Variants in TSHZ2 observed in about 807,000 individuals in gnomAD.
The protein encoded by TSHZ2 is teashirt zinc finger homeobox 2, also known as teashirt homolog 2.
Under a neutral mutation model 74.4 loss-of-function variants are expected in TSHZ2, and 21 were observed. That is an observed-to-expected ratio of 0.28 (90% confidence interval 0.20 to 0.41). TSHZ2 has a LOEUF of 0.41. Ranked by LOEUF, TSHZ2 falls within the 10% of genes least tolerant of loss-of-function variation. The pLI is 1.00. For synonymous variants in TSHZ2, 540 were observed against 515.3 expected, an observed-to-expected ratio of 1.05 and a Z score of -0.65; for missense variants, 1,244 against 1,293.5, an observed-to-expected ratio of 0.96 and a Z score of 0.59.
intron 1 of TSHZ2, among the ~76,000 whole-genome samples, chr20:52,998,821 T>C (rs1265340765): frequency 1.3e-5 from 2 of 152,236 alleles, no homozygotes. Context: ...TCTCAGGACA[T>C]ATAATTAGGA....
At chr20:53,075,889 T>A (rs1272738342) in intron 1 of TSHZ2, among the ~76,000 whole-genome samples, 1 of 152,198 alleles carries the variant, frequency 6.6e-6, no homozygotes, top group Non-Finnish European at 1.5e-5. Context: ...AGACTGAATG[T>A]GTTTTAAGTG....
chr20:53,051,994 CA>C (rs1263530581), intron 1 of TSHZ2, among the ~76,000 whole-genome samples: 4 of 69,950 alleles, frequency 5.7e-5, no homozygotes, highest in East Asian at 2.7e-3. Flanking sequence ...ATACACATAA[CA>C]TTGCAATTTA....
intron 2 of TSHZ2, among the ~76,000 whole-genome samples, chr20:53,271,650 G>A (rs1050010627): frequency 2.6e-5 from 4 of 152,196 alleles, no homozygotes; most frequent in Non-Finnish European, 4.4e-5. Flanking sequence ...AGAGATCTAG[G>A]CTGAGTCTGG....
chr20:53,197,036 G>T (rs191264089), intron 1 of TSHZ2, among the ~76,000 whole-genome samples: 47 of 152,230 alleles, frequency 3.1e-4, no homozygotes, highest in African/African-American at 1.0e-3. Context: ...CTCCATAATC[G>T]GTAATTTTTC....
At chr20:53,056,066 T>C (rs1162431485) in intron 1 of TSHZ2, among the ~76,000 whole-genome samples, 2 of 152,258 alleles carry the variant, frequency 1.3e-5, no homozygotes, top group African/African-American at 4.8e-5. Context: ...TGCTTGTTTG[T>C]TTCTGAATTC....
intron 2 of TSHZ2, among the ~76,000 whole-genome samples, chr20:53,358,754 G>T (rs1287848950): frequency 6.6e-6 from 1 of 152,214 alleles, no homozygotes; most frequent in Non-Finnish European, 1.5e-5. Context: ...GAAATAAATT[G>T]TAGAAACCAT....
chr20:53,099,113 C>A (rs988240087), intron 1 of TSHZ2, among the ~76,000 whole-genome samples: 1 of 152,122 alleles, frequency 6.6e-6, no homozygotes, highest in African/African-American at 2.4e-5. Context: ...CCAGCTCAGC[C>A]TAAGAGGTAA....
intron 1 of TSHZ2, among the ~76,000 whole-genome samples, chr20:53,162,304 G>A (rs528328068): frequency 4.9e-4 from 74 of 152,270 alleles, no homozygotes; most frequent in Middle Eastern, 3.4e-3. Context: ...GGGATGGGGC[G>A]GGGAGGGAAG....
intron 1 of TSHZ2, among the ~76,000 whole-genome samples, chr20:53,252,884 G>A (rs1197631741): frequency 6.6e-6 from 1 of 152,154 alleles, no homozygotes; most frequent in Non-Finnish European, 1.5e-5. Flanking sequence ...ATCAACAGAA[G>A]ATTTTATTTG....
intron 2 of TSHZ2, among the ~76,000 whole-genome samples, chr20:53,409,040 C>T (rs894571987): frequency 6.6e-6 from 1 of 152,160 alleles, no homozygotes; most frequent in African/African-American, 2.4e-5. Flanking sequence ...ACTGTTTGAT[C>T]ATCTGTACAC....
rs1986529504 is a variant in TSHZ2, at chr20:53,494,458, T to A, written c.*7323T>A. The A allele has an allele frequency of 6.6e-6, 1 of 152,126 alleles. No homozygotes were observed. The highest frequency in any genetic ancestry group is 1.5e-5 in the Non-Finnish European group (1 of 68,030). 9.4% of individuals were successfully genotyped at this position (152,126 alleles called of 1,614,324 possible). A position where few individuals can be genotyped will look rare whatever the true frequency, so the allele number is the denominator to read the frequency against. Reference sequence around the variant, plus strand: ...CGTCCCCTTGCTGAATAAAAATGACTTTGTTTGGAGGCACTTAAGATGTAT... The same window carrying A: ...CGTCCCCTTGCTGAATAAAAATGACATTGTTTGGAGGCACTTAAGATGTAT... On this transcript the variant is annotated 3_prime_UTR_variant, in exon 3 of 3. Transcript: ENST00000371497.
At chr20:53,011,346 A>G (rs1328651128) in intron 1 of TSHZ2, among the ~76,000 whole-genome samples, 2 of 152,228 alleles carry the variant, frequency 1.3e-5, no homozygotes, top group African/African-American at 2.4e-5. Context: ...CTCACTTTTA[A>G]TGCCCATAAC....
At chr20:53,226,163 C>T (rs1292674045) in intron 1 of TSHZ2, among the ~76,000 whole-genome samples, 1 of 142,668 alleles carries the variant, frequency 7.0e-6, no homozygotes, top group Non-Finnish European at 1.6e-5. Context: ...CACACACATG[C>T]ACACAAACAC....
intron 1 of TSHZ2, among the ~76,000 whole-genome samples, chr20:53,212,234 T>TG (rs1989327981): frequency 6.6e-6 from 1 of 152,166 alleles, no homozygotes; most frequent in Non-Finnish European, 1.5e-5. Context: ...TTGCAATAAT[T>TG]TAAAGTGTTA....
At chr20:53,021,974 G>A (rs1035231860) in intron 1 of TSHZ2, among the ~76,000 whole-genome samples, 2 of 152,186 alleles carry the variant, frequency 1.3e-5, no homozygotes, top group Admixed American at 6.5e-5. Flanking sequence ...AGAATTTGAG[G>A]AGATTTTTCA....
At chr20:53,269,608 CTGATGATGAGGATA>C (rs900770274) in intron 2 of TSHZ2, among the ~76,000 whole-genome samples, 3 of 152,066 alleles carry the variant, frequency 2.0e-5, no homozygotes, top group African/African-American at 7.2e-5. Flanking sequence ...GGAGGAGGAT[CTGATGATGAGGATA>C]TGATGATGAT....
intron 2 of TSHZ2, among the ~76,000 whole-genome samples, chr20:53,291,575 A>G (rs533356621): frequency 2.8e-4 from 43 of 152,160 alleles, no homozygotes; most frequent in African/African-American, 8.9e-4. Flanking sequence ...AAAAAGTTTC[A>G]TCAAATGTTA....
At chr20:53,220,919 GA>G (rs1989539491) in intron 1 of TSHZ2, among the ~76,000 whole-genome samples, 1 of 152,216 alleles carries the variant, frequency 6.6e-6, no homozygotes, top group Non-Finnish European at 1.5e-5. Context: ...CATCTGGCAG[GA>G]ATGTAGACCC....
chr20:53,204,073 G>T (rs1989077342), intron 1 of TSHZ2, among the ~76,000 whole-genome samples: 1 of 131,112 alleles, frequency 7.6e-6, no homozygotes, highest in Non-Finnish European at 1.6e-5. Context: ...CATATTATAT[G>T]ATACTATTTA....
Sources: allele counts gnomAD v4.1 joint callset (sites outside exome capture counted in the v4.1 genomes callset), GRCh38; gene constraint gnomAD v4.1.1; transcripts MANE v1.5; gene names NCBI Gene and HGNC (gene_info 2026-07-23, HGNC 2026-07-21).